Variants in CNTN4 observed in about 807,000 individuals in gnomAD.
CNTN4 encodes the protein contactin-4.
Under a neutral mutation model 122.5 loss-of-function variants are expected in CNTN4, and 77 were observed. That is an observed-to-expected ratio of 0.63 (90% CI 0.52 to 0.76). The LOEUF (loss-of-function observed/expected upper bound fraction) is 0.76, where lower values mean the gene tolerates loss of function less well. Ranked by LOEUF, CNTN4 falls within the 30% of genes least tolerant of loss-of-function variation. The pLI is 0.00. For missense variants in CNTN4, 1,256 were observed against 1,259.1 expected, an observed-to-expected ratio of 1.00 and a Z score of 0.04; for synonymous variants, 512 against 447.0, an observed-to-expected ratio of 1.15 and a Z score of -1.83.
At chr3:2,899,230 A>G (rs1295437937) in intron 10 of CNTN4, among the ~76,000 whole-genome samples, 1 of 152,214 alleles carries the variant, frequency 6.6e-6, no homozygotes, top group East Asian at 1.9e-4. Flanking sequence ...TTTATTATTG[A>G]AAAGGTGAAA....
At chr3:2,399,638 C>G (rs2046768699) in intron 3 of CNTN4, among the ~76,000 whole-genome samples, 1 of 151,922 alleles carries the variant, frequency 6.6e-6, no homozygotes, top group African/African-American at 2.4e-5. Context: ...ATGTAAGATA[C>G]TTGGAATTCA....
At chr3:2,656,790 C>T (rs1002567526) in intron 4 of CNTN4, among the ~76,000 whole-genome samples, 8 of 152,162 alleles carry the variant, frequency 5.3e-5, no homozygotes, top group South Asian at 2.1e-4. Context: ...ACCCCAATGT[C>T]GGTATCTGTT....
At chr3:2,747,941 T>G (rs191699146) in intron 6 of CNTN4, among the ~76,000 whole-genome samples, 8,342 of 152,260 alleles carry the variant, frequency 0.055, 772 homozygotes, top group African/African-American at 0.19. Flanking sequence ...AATTCTTACT[T>G]TAAAGATGCT....
chr3:2,821,769 G>C (rs1385158152), intron 7 of CNTN4, among the ~76,000 whole-genome samples: 1 of 152,140 alleles, frequency 6.6e-6, no homozygotes, highest in South Asian at 2.1e-4. Context: ...GTAATGACAA[G>C]ATTGATAAAC....
chr3:2,502,670 G>A (rs957463813), intron 3 of CNTN4, among the ~76,000 whole-genome samples: 1 of 152,142 alleles, frequency 6.6e-6, no homozygotes, highest in Non-Finnish European at 1.5e-5. Flanking sequence ...TTTCGTGGCT[G>A]TAAAGAGAGA....
At chr3:3,039,264 T>A (rs1699926400) in intron 19 of CNTN4, 1 of 399,376 alleles carries the variant, frequency 2.5e-6, no homozygotes, top group Non-Finnish European at 4.6e-6. Flanking sequence ...CAAAAAAAAA[T>A]AAAGAAGGCT....
At chr3:2,740,691 A>G (rs954587020) in intron 5 of CNTN4, among the ~76,000 whole-genome samples, 2 of 152,088 alleles carry the variant, frequency 1.3e-5, no homozygotes, top group African/African-American at 4.8e-5. Context: ...TATTATGTAA[A>G]AAACAAATAT....
At chr3:2,586,306 T>C (rs2080201230) in intron 4 of CNTN4, among the ~76,000 whole-genome samples, 1 of 152,220 alleles carries the variant, frequency 6.6e-6, no homozygotes, top group African/African-American at 2.4e-5. Context: ...ATTTGTTTGT[T>C]TTTGAGACGG....
intron 10 of CNTN4, among the ~76,000 whole-genome samples, chr3:2,898,592 C>CA (rs1201474880): frequency 6.6e-6 from 1 of 151,960 alleles, no homozygotes; most frequent in African/African-American, 2.4e-5. Flanking sequence ...TGCATTTTTG[C>CA]AAAAAAGCAA....
chr3:2,619,655 A>G lies in CNTN4; in HGVS notation c.55+48097A>G, dbSNP rs73805359. ...GTAGAACTTAGTTCTAGGATATCAC[A>G]CAGCACATTTCAGGACTCTTCTTTA... On this transcript the variant is annotated intron_variant, in intron 4 of 24. Transcript: ENST00000418658. 8.0e-3 allele frequency among the ~76,000 whole-genome samples: 1,213 copies of G among 152,336 alleles called. 18 individuals are homozygous for G. The highest frequency in any genetic ancestry group is 0.028 in the African/African-American group (1,162 of 41,582).
At chr3:2,560,145 CT>C (rs567883588) in intron 3 of CNTN4, among the ~76,000 whole-genome samples, 165 of 144,214 alleles carry the variant, frequency 1.1e-3, no homozygotes, top group African/African-American at 1.2e-3. Context: ...TTTTCTTTTT[CT>C]TTTTTTTTTT....
chr3:2,223,748 T>C (rs1242980163), intron 2 of CNTN4, among the ~76,000 whole-genome samples: 2 of 151,984 alleles, frequency 1.3e-5, no homozygotes, highest in East Asian at 3.9e-4. Context: ...CTTCTGGGAG[T>C]TTGGAATTGT....
chr3:2,810,043 G>A (rs1444568377), intron 6 of CNTN4, among the ~76,000 whole-genome samples: 1 of 152,148 alleles, frequency 6.6e-6, no homozygotes, highest in Admixed American at 6.6e-5. Flanking sequence ...AACTGTGAGA[G>A]TCTCAGACAG....
At chr3:2,748,772 A>G (rs534042808) in intron 6 of CNTN4, among the ~76,000 whole-genome samples, 1 of 152,278 alleles carries the variant, frequency 6.6e-6, no homozygotes, top group East Asian at 1.9e-4. Flanking sequence ...TTCCTTAACC[A>G]TTTATCCTAA....
chr3:2,541,736 G>T (rs926328354), intron 3 of CNTN4, among the ~76,000 whole-genome samples: 3 of 152,096 alleles, frequency 2.0e-5, no homozygotes, highest in African/African-American at 7.2e-5. Context: ...ATGTCAGATT[G>T]TTCTCAGACC....
At chr3:2,276,022 A>C (rs2041496009) in intron 2 of CNTN4, among the ~76,000 whole-genome samples, 2 of 152,024 alleles carry the variant, frequency 1.3e-5, no homozygotes, top group African/African-American at 4.8e-5. Flanking sequence ...AACTGAAATT[A>C]ATAATTTCAA....
chr3:3,014,121 C>G (rs1364151029), intron 14 of CNTN4, among the ~76,000 whole-genome samples: 1 of 151,690 alleles, frequency 6.6e-6, no homozygotes, highest in Non-Finnish European at 1.5e-5. Context: ...ATTCAAGAAA[C>G]TAACACGTTT....
intron 3 of CNTN4, among the ~76,000 whole-genome samples, chr3:2,422,935 T>C (rs981188876): frequency 2.0e-5 from 3 of 152,242 alleles, no homozygotes; most frequent in Non-Finnish European, 4.4e-5. Flanking sequence ...CTGTCCTGGA[T>C]GTCTAGTGCC....
chr3:2,124,149 C>T (rs761423040), intron 2 of CNTN4, among the ~76,000 whole-genome samples: 2 of 151,448 alleles, frequency 1.3e-5, no homozygotes, highest in Admixed American at 6.6e-5. Context: ...CCAGAAGTCA[C>T]GTAAAATTCC....
Sources: gnomAD v4.1 joint callset for allele counts (sites outside exome capture counted in the v4.1 genomes callset) on GRCh38, gnomAD v4.1.1 for gene constraint, MANE v1.5 for transcripts, NCBI Gene and HGNC (gene_info 2026-07-23, HGNC 2026-07-21) for gene names.